ASCC3: variants seen among roughly 807,000 people sequenced by gnomAD.
ASCC3 encodes the protein ASC-1 complex subunit P200.
ASCC3 carries 158 observed loss-of-function variants against 256.3 expected under a neutral mutation model. The observed-to-expected ratio is 0.62, with a 90% CI of 0.54 to 0.70. ASCC3 has a LOEUF of 0.70. Among genes scored for constraint, ASCC3 ranks in the 30% least tolerant of loss-of-function variants. ASCC3 has a pLI of 0.00. For synonymous variants in ASCC3, 948 were observed against 883.4 expected, an observed-to-expected ratio of 1.07 and a Z score of -1.30; for missense variants, 2,259 against 2,626.0, an observed-to-expected ratio of 0.86 and a Z score of 3.05.
chr6:100,718,003 C>CT, intron 12 of ASCC3, 72 bp downstream of exon 12: 3 of 1,463,406 alleles, frequency 2.1e-6, no homozygotes, highest in Admixed American at 3.5e-5. Context: ...TTTGGAGTCT[C>CT]TAACTCCAAA....
intron 36 of ASCC3, among the ~76,000 whole-genome samples, chr6:100,546,234 G>C (rs568162430): frequency 6.6e-6 from 1 of 151,986 alleles, no homozygotes; most frequent in South Asian, 2.1e-4. Flanking sequence ...AGAAAACACT[G>C]CTAGGAAAAA....
intron 13 of ASCC3, among the ~76,000 whole-genome samples, chr6:100,697,658 G>C (rs924804797): frequency 6.6e-6 from 1 of 151,816 alleles, no homozygotes; most frequent in African/African-American, 2.4e-5. Context: ...CTTAAAATGG[G>C]AAGACAAGAA....
chr6:100,642,785 T>G, intron 23 of ASCC3, 36 bp from the exon 24 acceptor site: 1 of 1,560,142 alleles, frequency 6.4e-7, no homozygotes, highest in Non-Finnish European at 8.8e-7. Context: ...AATATGGATA[T>G]TCTAATAGCA....
intron 25 of ASCC3, among the ~76,000 whole-genome samples, chr6:100,632,927 G>C (rs1774631512): frequency 6.6e-6 from 1 of 151,854 alleles, no homozygotes. Context: ...TTGGGACATG[G>C]CATCAAAAGC....
intron 36 of ASCC3, among the ~76,000 whole-genome samples, chr6:100,566,108 C>A (rs1486499920): frequency 6.6e-6 from 1 of 152,112 alleles, no homozygotes; most frequent in Admixed American, 6.6e-5. Context: ...AACCAAAACA[C>A]AGCACAACAC....
intron 13 of ASCC3, among the ~76,000 whole-genome samples, chr6:100,687,349 A>C (rs1031726386): frequency 6.6e-6 from 1 of 151,852 alleles, no homozygotes; most frequent in Non-Finnish European, 1.5e-5. Flanking sequence ...ATTGAAGCAA[A>C]TCTTTAATAG....
intron 10 of ASCC3, among the ~76,000 whole-genome samples, chr6:100,729,974 C>A (rs1779824226): frequency 6.6e-6 from 1 of 151,830 alleles, no homozygotes; most frequent in South Asian, 2.1e-4. Flanking sequence ...CCATTGATTC[C>A]AGCTATACCA....
chr6:100,871,488 G>A (rs537938657), intron 1 of ASCC3, among the ~76,000 whole-genome samples: 1 of 152,246 alleles, frequency 6.6e-6, no homozygotes. Context: ...TGGACTGGGG[G>A]CCAGGCACAG....
intron 13 of ASCC3, among the ~76,000 whole-genome samples, chr6:100,701,584 G>T (rs897537660): frequency 1.3e-5 from 2 of 152,148 alleles, no homozygotes; most frequent in Non-Finnish European, 2.9e-5. Context: ...ATTAAGCAAC[G>T]CATGTCAGTA....
rs540636043 is a variant in ASCC3, at chr6:100,593,315, T to C, written c.5304-3256A>G. Among the ~76,000 whole-genome samples the C allele has an allele frequency of 1.3e-3, 198 of 152,188 alleles. 1 individual carries two copies. Among genetic ancestry groups the C allele is most frequent in the African/African-American group, 4.0e-3 (166 of 41,558 alleles). On this transcript the variant is annotated intron_variant, in intron 34 of 41. Transcript: ENST00000369162. ...CAAGCTAACTTCTATTAGCAGTCCA[T>C]TGGGAAAAAGTCATAACAAACCTCT...
At chr6:100,867,765 T>C in intron 2 of ASCC3, 143 bp downstream of exon 2, 2 of 709,300 alleles carry the variant, frequency 2.8e-6, no homozygotes, top group Non-Finnish European at 5.0e-6. Flanking sequence ...AACAGCAGCA[T>C]ACACATTCTC....
chr6:100,870,142 A>T (rs1773664960), intron 1 of ASCC3, among the ~76,000 whole-genome samples: 2 of 152,210 alleles, frequency 1.3e-5, no homozygotes, highest in Non-Finnish European at 2.9e-5. Context: ...GAAGAGTACA[A>T]TTACTAAGTC....
intron 10 of ASCC3, among the ~76,000 whole-genome samples, chr6:100,738,970 A>C (rs554084066): frequency 6.6e-6 from 1 of 152,228 alleles, no homozygotes; most frequent in African/African-American, 2.4e-5. Context: ...AAAACTTCCA[A>C]TATTATGCTG....
intron 37 of ASCC3, among the ~76,000 whole-genome samples, chr6:100,527,951 T>A (rs1774668197): frequency 6.6e-6 from 1 of 151,856 alleles, no homozygotes; most frequent in African/African-American, 2.4e-5. Flanking sequence ...ATGATCCTCC[T>A]TAGCCTCCCA....
At chr6:100,802,512 A>T (rs577532777) in intron 5 of ASCC3, among the ~76,000 whole-genome samples, 3 of 152,094 alleles carry the variant, frequency 2.0e-5, no homozygotes, top group African/African-American at 7.2e-5. Flanking sequence ...TAAATTACCC[A>T]GTCTCAGGTA....
At chr6:100,684,111 C>T (rs1336734464) in intron 13 of ASCC3, among the ~76,000 whole-genome samples, 4 of 152,132 alleles carry the variant, frequency 2.6e-5, no homozygotes, top group Non-Finnish European at 5.9e-5. Flanking sequence ...GTAACACATA[C>T]TGTTTCAGGG....
At chr6:100,551,318 C>G (rs1769289439) in intron 36 of ASCC3, among the ~76,000 whole-genome samples, 3 of 151,648 alleles carry the variant, frequency 2.0e-5, no homozygotes. Context: ...AAGATAATCA[C>G]AAATAAATGC....
At chr6:100,740,803 T>C (rs1484320789) in intron 10 of ASCC3, among the ~76,000 whole-genome samples, 1 of 152,206 alleles carries the variant, frequency 6.6e-6, no homozygotes, top group Non-Finnish European at 1.5e-5. Flanking sequence ...TTGCCTATGA[T>C]ATGGGTCTCT....
At chr6:100,721,436 A>G (rs929498435) in intron 11 of ASCC3, among the ~76,000 whole-genome samples, 2 of 151,732 alleles carry the variant, frequency 1.3e-5, no homozygotes, top group Non-Finnish European at 3.0e-5. Flanking sequence ...CCTTTGTGTA[A>G]ATCATGCCCT....
Sources: gnomAD v4.1 joint callset for allele counts (sites outside exome capture counted in the v4.1 genomes callset) on GRCh38, gnomAD v4.1.1 for gene constraint, MANE v1.5 for transcripts, NCBI Gene and HGNC (gene_info 2026-07-23, HGNC 2026-07-21) for gene names.